HDDC2: variants seen among roughly 807,000 people sequenced by gnomAD.
The protein encoded by HDDC2 is 5'-deoxynucleotidase HDDC2.
A neutral mutation model predicts 25.5 loss-of-function variants in HDDC2; 25 were observed. That is an observed-to-expected ratio of 0.98 (90% CI 0.72 to 1.37). The LOEUF is 1.37. Among genes scored for constraint, HDDC2 ranks in the 40% most tolerant of loss-of-function variants. The pLI is 0.00. For missense variants in HDDC2, 264 were observed against 253.1 expected, an observed-to-expected ratio of 1.04 and a Z score of -0.29; for synonymous variants, 106 against 89.7, an observed-to-expected ratio of 1.18 and a Z score of -1.03.
chr6:125,275,947 A>T lies in HDDC2; in HGVS notation c.*199T>A, dbSNP rs1022070224. 1.4e-4 allele frequency: 78 copies of T among 572,640 alleles called. No homozygotes were observed. The East Asian group carries it at 2.3e-3, about 17-fold the overall frequency. 35.5% of individuals were successfully genotyped at this position (572,640 alleles called of 1,614,324 possible). ...GCACTGCCACCTCCAGTGTTCATCC[A>T]TGGCACTTTCATGACCGCTTCCTGT... On this transcript the variant is annotated 3_prime_UTR_variant, in exon 6 of 6. Coordinates refer to ENST00000398153, the MANE Select transcript of HDDC2 (RefSeq NM_016063.3).
intron 3 of HDDC2, among the ~76,000 whole-genome samples, chr6:125,297,823 T>C (rs17053023): frequency 0.13 from 19,336 of 152,198 alleles, 1,554 homozygotes; most frequent in East Asian, 0.27. Context: ...GCTTCAAACA[T>C]ATCTTCCTCG....
At chr6:125,299,112 C>T (rs1394999905) in intron 2 of HDDC2, among the ~76,000 whole-genome samples, 2 of 152,260 alleles carry the variant, frequency 1.3e-5, no homozygotes, top group Admixed American at 6.5e-5. Flanking sequence ...AGGCCAGGTG[C>T]GGTGGCTCAC....
At chr6:125,295,981 T>G (rs1051084276) in intron 3 of HDDC2, among the ~76,000 whole-genome samples, 1 of 152,204 alleles carries the variant, frequency 6.6e-6, no homozygotes, top group African/African-American at 2.4e-5. Flanking sequence ...AATTTGTTTC[T>G]TCTATGCCCT....
rs990796985 is a variant in HDDC2, at chr6:125,292,870, G to C, written c.349C>G (p.Leu117Val). The C allele has an allele frequency of 6.2e-7, 1 of 1,613,096 alleles. No individual in the cohort carries two copies. Among genetic ancestry groups the C allele is most frequent in the Non-Finnish European group, 8.5e-7 (1 of 1,179,374 alleles). The change falls in exon 4 of 6, where the codon CTC (leucine) becomes GTC (valine). Residue 117 changes from leucine to valine, a missense_variant. Coordinates refer to ENST00000398153, the MANE Select transcript of HDDC2 (RefSeq NM_016063.3). ...KQITQLLPEDLRKELYELWEE... is the reference protein window; with the variant it reads ...KQITQLLPEDVRKELYELWEE... Reference sequence around the variant, plus strand: ...CAAAGTTCATAGAGCTCCTTTCTGAGGTCCTCTGGTAGGAGCTGGGTTATC... The same window carrying C: ...CAAAGTTCATAGAGCTCCTTTCTGACGTCCTCTGGTAGGAGCTGGGTTATC...
intron 3 of HDDC2, among the ~76,000 whole-genome samples, chr6:125,297,007 C>T (rs905412809): frequency 3.2e-4 from 49 of 152,208 alleles, no homozygotes; most frequent in Non-Finnish European, 3.8e-4. Flanking sequence ...TTCCTCTAGG[C>T]CCCATTTTTC....
At chr6:125,297,606 T>C (rs1798723999) in intron 3 of HDDC2, 1 of 394,002 alleles carries the variant, frequency 2.5e-6, no homozygotes, top group Non-Finnish European at 4.4e-6. Flanking sequence ...GTCTCTTTCT[T>C]TTCCCCCACA....
chr6:125,283,488 G>A (rs1208793075), intron 4 of HDDC2, among the ~76,000 whole-genome samples: 1 of 152,142 alleles, frequency 6.6e-6, no homozygotes, highest in Non-Finnish European at 1.5e-5. Context: ...CAAAATCAAT[G>A]TGCAAAAATC....
At chr6:125,301,802 C>G (rs1263449683) in intron 1 of HDDC2, 47 bp downstream of exon 1, 3 of 1,425,106 alleles carry the variant, frequency 2.1e-6, no homozygotes, top group Non-Finnish European at 1.9e-6. Flanking sequence ...CGCCGCCCCA[C>G]AGTCCCGCCC....
At chr6:125,294,237 G>A (rs977229527) in intron 3 of HDDC2, among the ~76,000 whole-genome samples, 2 of 152,166 alleles carry the variant, frequency 1.3e-5, no homozygotes, top group African/African-American at 4.8e-5. Context: ...TGAGTTGCAG[G>A]AAAGCAGTGA....
At chr6:125,287,899 A>G (rs1333385874) in intron 4 of HDDC2, among the ~76,000 whole-genome samples, 1 of 152,186 alleles carries the variant, frequency 6.6e-6, no homozygotes, top group Non-Finnish European at 1.5e-5. Flanking sequence ...ACACAGGCAG[A>G]GCGGGGTTGC....
At position 125,301,963 on chromosome 6, in the gene HDDC2, G is replaced by A. The variant is rs776185502; in HGVS notation, c.-31C>T. The A allele has an allele frequency of 1.3e-6, 2 of 1,529,784 alleles. No homozygotes were observed. The highest frequency in any genetic ancestry group is 1.2e-5 in the South Asian group (1 of 83,428). The allele number at this position is 1,529,784 out of a possible 1,614,324, so 94.8% of individuals were successfully genotyped here. On this transcript the variant is annotated 5_prime_UTR_variant, in exon 1 of 6. Coordinates refer to ENST00000398153, the MANE Select transcript of HDDC2 (RefSeq NM_016063.3). ...CACCGACCCCGGCTGGGCGGAGCAG[G>A]CCGCGGCGAAGCTCCTCCCCGTCCT...
intron 5 of HDDC2, 118 bp downstream of exon 5, chr6:125,276,984 C>T: frequency 3.2e-6 from 3 of 947,318 alleles, no homozygotes; most frequent in Non-Finnish European, 3.2e-6. Flanking sequence ...TTTTTAGATG[C>T]TCCACATGAA....
chr6:125,291,125 G>A (rs1379253649), intron 4 of HDDC2, among the ~76,000 whole-genome samples: 1 of 152,120 alleles, frequency 6.6e-6, no homozygotes, highest in Non-Finnish European at 1.5e-5. Flanking sequence ...TGAATGAGAT[G>A]CAACCTAACT....
Position 125,276,247 on chromosome 6 carries a change from C to A in HDDC2, c.518-4G>T, listed in dbSNP as rs774672671. ...ATCTCAGGGTGATTGAATTTTCCTG[C>A]AAAGCAAAAGAACAGGGAAAAATAC... On this transcript the variant is annotated splice_region_variant and splice_polypyrimidine_tract_variant and intron_variant, in intron 5 of 5. Coordinates refer to ENST00000398153, the MANE Select transcript of HDDC2 (RefSeq NM_016063.3). The A allele has an allele frequency of 1.9e-6, 3 of 1,609,636 alleles. No individual in the cohort carries two copies. Among genetic ancestry groups the A allele is most frequent in the Middle Eastern group, 1.7e-4 (1 of 6,050 alleles).
At chr6:125,298,863 T>C in intron 2 of HDDC2, 47 bp from the exon 3 acceptor site, 1 of 1,306,960 alleles carries the variant, frequency 7.7e-7, no homozygotes, top group Non-Finnish European at 1.1e-6. Flanking sequence ...TTATATTTAC[T>C]ACAAGTTCCT....
intron 4 of HDDC2, among the ~76,000 whole-genome samples, chr6:125,281,036 G>C (rs559696982): frequency 6.6e-6 from 1 of 152,226 alleles, no homozygotes; most frequent in Non-Finnish European, 1.5e-5. Context: ...CTGTTCTGCA[G>C]CCTCTGCTGG....
chr6:125,278,039 A>C (rs1798398502), intron 4 of HDDC2: 2 of 152,206 alleles, frequency 1.3e-5, no homozygotes, highest in South Asian at 4.1e-4. Context: ...AAGTGCTCCC[A>C]ACTGGTTTCC....
At position 125,301,836 on chromosome 6, in the gene HDDC2, G is replaced by A. The variant is rs1419564771; in HGVS notation, c.84+13C>T. ...CCGCTCGGCCGCGGCCTCCCGGCCT[G>A]GTGCCCGCTCACCTTGAGCTGCCCT... On this transcript the variant is annotated intron_variant, in intron 1 of 5. Transcript: ENST00000398153. 4.6e-6 allele frequency: 7 copies of A among 1,537,360 alleles called. No homozygotes were observed. Among genetic ancestry groups the A allele is most frequent in the Admixed American group, 2.0e-5 (1 of 50,884 alleles).
chr6:125,298,638 G>T, intron 3 of HDDC2, 76 bp downstream of exon 3: 2 of 1,008,584 alleles, frequency 2.0e-6, no homozygotes, highest in East Asian at 2.4e-5. Flanking sequence ...AACTGTAACA[G>T]GTCTCATAAA....
Sources: gnomAD v4.1 joint callset for allele counts (sites outside exome capture counted in the v4.1 genomes callset) on GRCh38, gnomAD v4.1.1 for gene constraint, MANE v1.5 for transcripts, NCBI Gene and HGNC (gene_info 2026-07-23, HGNC 2026-07-21) for gene names.